PTPRD: variants seen among roughly 807,000 people sequenced by gnomAD.
PTPRD encodes the protein receptor-type tyrosine-protein phosphatase delta.
Under a neutral mutation model 214.5 loss-of-function variants are expected in PTPRD, and 34 were observed. The observed-to-expected ratio is 0.16, with a 90% CI of 0.12 to 0.21. PTPRD has a LOEUF of 0.21. PTPRD is among the 10% of genes least tolerant of loss of function. PTPRD has a pLI of 1.00. For synonymous variants in PTPRD, 1,128 were observed against 845.7 expected (o/e 1.33, Z -5.79); for missense variants, 2,545 against 2,398.7 (o/e 1.06, Z -1.27).
intron 3 of PTPRD, among the ~76,000 whole-genome samples, chr9:10,299,617 A>T (rs561598721): frequency 6.6e-6 from 1 of 152,194 alleles, no homozygotes; most frequent in Non-Finnish European, 1.5e-5. Flanking sequence ...TACATTGGCC[A>T]AGGCAGTGCT....
chr9:9,775,839 C>G (rs963971575), intron 5 of PTPRD, among the ~76,000 whole-genome samples: 1 of 150,572 alleles, frequency 6.6e-6, no homozygotes, highest in Admixed American at 6.7e-5. Flanking sequence ...GCCTGCAGTC[C>G]CAGCTACTTG....
At position 8,338,789 on chromosome 9, in the gene PTPRD, G is replaced by A. The variant is rs1031901398; in HGVS notation, c.5379+133C>T. The A allele has an allele frequency of 6.0e-5, 46 of 768,082 alleles. No homozygotes were observed. In the East Asian group the frequency reaches 9.9e-4, roughly 17 times the overall value. 47.6% of individuals were successfully genotyped at this position (768,082 alleles called of 1,614,324 possible). ...TTACATATTAAACATAAAAAAAAAC[G>A]TTCTCCAGAATGAATGATTTCTCTT... On this transcript the variant is annotated intron_variant, in intron 43 of 45. Transcript: ENST00000381196.
intron 35 of PTPRD, among the ~76,000 whole-genome samples, chr9:8,424,447 C>T (rs1214540999): frequency 1.3e-5 from 2 of 152,114 alleles, no homozygotes; most frequent in African/African-American, 2.4e-5. Flanking sequence ...GGGAGACTAA[C>T]AGTACCTACC....
At chr9:8,457,923 G>T (rs571855338) in intron 33 of PTPRD, among the ~76,000 whole-genome samples, 9 of 152,076 alleles carry the variant, frequency 5.9e-5, no homozygotes, top group Non-Finnish European at 1.3e-4. Context: ...AGCTATAAAA[G>T]ACACTATTCA....
At chr9:9,733,793 G>A (rs1487197778) in intron 7 of PTPRD, among the ~76,000 whole-genome samples, 1 of 152,152 alleles carries the variant, frequency 6.6e-6, no homozygotes, top group Non-Finnish European at 1.5e-5. Context: ...TATTAAATGA[G>A]ATAAAATGTT....
chr9:8,903,402 T>C (rs1252976431), intron 11 of PTPRD, among the ~76,000 whole-genome samples: 1 of 152,188 alleles, frequency 6.6e-6, no homozygotes, highest in African/African-American at 2.4e-5. Flanking sequence ...AGTCATCCAT[T>C]AGCATCATTA....
At position 8,380,839 on chromosome 9, in the gene PTPRD, G is replaced by C. The variant is rs543636125; in HGVS notation, c.4387-4113C>G. On this transcript the variant is annotated intron_variant, in intron 37 of 45. Coordinates refer to ENST00000381196, the MANE Select transcript of PTPRD (RefSeq NM_002839.4). ...AGCATATTGTAGGCACTTAATGAGC[G>C]GTAGCCAACTTTATAATCAATTAAC... Among the ~76,000 whole-genome samples, 40 of 151,988 alleles carry C rather than the reference G, an allele frequency of 2.6e-4. 1 individual carries two copies. Among genetic ancestry groups the C allele is most frequent in the African/African-American group, 8.9e-4 (37 of 41,448 alleles).
intron 7 of PTPRD, among the ~76,000 whole-genome samples, chr9:9,721,960 A>G (rs62534691): frequency 5.8e-4 from 88 of 152,116 alleles, no homozygotes; most frequent in Non-Finnish European, 9.3e-4. Context: ...TTTTTTAAAT[A>G]TTTTGGTTTA....
At chr9:9,230,030 T>G (rs899670922) in intron 9 of PTPRD, among the ~76,000 whole-genome samples, 1 of 152,172 alleles carries the variant, frequency 6.6e-6, no homozygotes, top group Non-Finnish European at 1.5e-5. Context: ...AATAGATTCA[T>G]CTAGTTTTCA....
At chr9:9,859,144 ACTGC>A (rs2062153865) in intron 5 of PTPRD, among the ~76,000 whole-genome samples, 1 of 152,164 alleles carries the variant, frequency 6.6e-6, no homozygotes, top group Non-Finnish European at 1.5e-5. Context: ...TCTCTCTTCT[ACTGC>A]CTTGTGAAGA....
At chr9:10,598,200 A>T (rs2077051863) in intron 2 of PTPRD, among the ~76,000 whole-genome samples, 1 of 151,566 alleles carries the variant, frequency 6.6e-6, no homozygotes. Context: ...TTATTATTTG[A>T]TTTTCCTTAG....
intron 7 of PTPRD, among the ~76,000 whole-genome samples, chr9:9,651,587 G>A (rs896997788): frequency 6.6e-6 from 1 of 152,040 alleles, no homozygotes; most frequent in African/African-American, 2.4e-5. Context: ...TCTTTATTAT[G>A]GCTGCATAGT....
chr9:9,568,464 G>T (rs1327587964), intron 8 of PTPRD, among the ~76,000 whole-genome samples: 1 of 151,766 alleles, frequency 6.6e-6, no homozygotes, highest in African/African-American at 2.4e-5. Flanking sequence ...AAGAGTATGT[G>T]ACATGTAATA....
intron 11 of PTPRD, among the ~76,000 whole-genome samples, chr9:8,930,780 T>C (rs913179143): frequency 1.6e-4 from 24 of 152,364 alleles, no homozygotes; most frequent in Non-Finnish European, 2.6e-4. Context: ...TGTCTGTTCA[T>C]ATCCTTTGCC....
chr9:9,280,119 G>A (rs562251741), intron 9 of PTPRD, among the ~76,000 whole-genome samples: 1 of 151,342 alleles, frequency 6.6e-6, no homozygotes, highest in East Asian at 2.0e-4. Flanking sequence ...GCCCTTGCCT[G>A]GGGTCTGAGA....
intron 9 of PTPRD, among the ~76,000 whole-genome samples, chr9:9,273,483 T>C (rs1340147315): frequency 6.6e-6 from 1 of 151,360 alleles, no homozygotes; most frequent in Non-Finnish European, 1.5e-5. Flanking sequence ...CTTTTATCTT[T>C]CTTATATAGT....
chr9:9,145,146 G>A (rs1187750396), intron 10 of PTPRD, among the ~76,000 whole-genome samples: 2 of 152,260 alleles, frequency 1.3e-5, no homozygotes, highest in East Asian at 1.9e-4. Context: ...AAGAATCTAA[G>A]TATGTGTTGC....
At chr9:10,371,102 A>G (rs1164772074) in intron 2 of PTPRD, among the ~76,000 whole-genome samples, 3 of 152,076 alleles carry the variant, frequency 2.0e-5, no homozygotes, top group East Asian at 1.9e-4. Flanking sequence ...ATTTTTCAAC[A>G]CTTTCAGCTT....
At chr9:10,409,695 T>C (rs903330574) in intron 2 of PTPRD, among the ~76,000 whole-genome samples, 3 of 151,864 alleles carry the variant, frequency 2.0e-5, no homozygotes, top group Non-Finnish European at 2.9e-5. Flanking sequence ...TTTGCCTTTA[T>C]GTAGGCCAGG....
Sources: allele counts gnomAD v4.1 joint callset (sites outside exome capture counted in the v4.1 genomes callset), GRCh38; gene constraint gnomAD v4.1.1; transcripts MANE v1.5; gene names NCBI Gene and HGNC (gene_info 2026-07-23, HGNC 2026-07-21).